The following FFAR4 variants were observed in gnomAD, a reference collection of about 807,000 sequenced individuals.
FFAR4 encodes free fatty acid receptor 4, also known as G-protein coupled receptor 120.
A neutral mutation model predicts 27.0 loss-of-function variants in FFAR4; 19 were observed. The ratio of observed to expected loss-of-function variants is 0.70; its 90% CI spans 0.49 to 1.03. The LOEUF is 1.03. FFAR4 is among the 50% of genes least tolerant of loss of function. The pLI is 0.00. For missense variants in FFAR4, 476 were observed against 479.0 expected, an observed-to-expected ratio of 0.99 and a Z score of 0.06; for synonymous variants, 254 against 215.6, an observed-to-expected ratio of 1.18 and a Z score of -1.56.
chr10:93,576,730 ACAT>A (rs2058166283), intron 2 of FFAR4, among the ~76,000 whole-genome samples: 1 of 152,204 alleles, frequency 6.6e-6, no homozygotes, highest in African/African-American at 2.4e-5. Context: ...ACATCTTTCC[ACAT>A]CATTCCTATA....
intron 1 of FFAR4, among the ~76,000 whole-genome samples, chr10:93,574,416 A>T (rs1417176766): frequency 6.6e-6 from 1 of 152,192 alleles, no homozygotes; most frequent in African/African-American, 2.4e-5. Context: ...AGTCACATTC[A>T]GGGCTGGAAT....
Position 93,587,318 on chromosome 10 carries a change from C to T in FFAR4, c.795C>T (p.Thr265=). The T allele has an allele frequency of 6.2e-7, 1 of 1,614,160 alleles. No individual in the cohort carries two copies. The highest frequency in any genetic ancestry group is 8.5e-7 in the Non-Finnish European group (1 of 1,180,024). ...VSQQDFRLFR[T]LFLLMVSFFI... The stretch of plus-strand genomic sequence containing the variant: ...AGCAGGACTTCCGGCTCTTCCGCAC[C>T]CTCTTCCTCCTCATGGTCTCCTTCT... The change falls in exon 3 of 3, where the codon ACC becomes ACT. Residue 265 remains threonine, a synonymous_variant. Transcript: ENST00000371481.
At chr10:93,573,084 T>A (rs1446540506) in intron 1 of FFAR4, among the ~76,000 whole-genome samples, 1 of 152,138 alleles carries the variant, frequency 6.6e-6, no homozygotes, top group Non-Finnish European at 1.5e-5. Context: ...GGCTCTACCC[T>A]CTCTGGTCCT....
At chr10:93,576,255 C>G (rs748912555) in intron 2 of FFAR4, 36 bp downstream of exon 2, 1 of 1,611,628 alleles carries the variant, frequency 6.2e-7, no homozygotes, top group East Asian at 2.2e-5. Flanking sequence ...TGAACTTCAC[C>G]CAGGCTTGGG....
intron 1 of FFAR4, among the ~76,000 whole-genome samples, chr10:93,568,104 T>A (rs1288425444): frequency 1.3e-5 from 2 of 152,302 alleles, no homozygotes; most frequent in Non-Finnish European, 2.9e-5. Flanking sequence ...ACATTGGCTC[T>A]GTTCCCCTCA....
chr10:93,574,559 T>C (rs944862570), intron 1 of FFAR4, among the ~76,000 whole-genome samples: 1 of 152,146 alleles, frequency 6.6e-6, no homozygotes, highest in African/African-American at 2.4e-5. Flanking sequence ...AGAGCAGTAG[T>C]AGCCTCACTG....
intron 2 of FFAR4, among the ~76,000 whole-genome samples, chr10:93,578,427 A>AAAAAAAAAAG (rs2058178069): frequency 3.3e-5 from 5 of 151,034 alleles, no homozygotes; most frequent in African/African-American, 1.2e-4. Context: ...AAAAAAAAAA[A>AAAAAAAAAAG]AAAAAAAAAA....
At chr10:93,579,296 G>A in intron 2 of FFAR4, 1 of 1,141,238 alleles carries the variant, frequency 8.8e-7, no homozygotes, top group Non-Finnish European at 1.3e-6. Flanking sequence ...TGTGTGGTCT[G>A]GCCCCGCTGC....
At chr10:93,579,881 T>C (rs2058188342) in intron 2 of FFAR4, among the ~76,000 whole-genome samples, 1 of 152,240 alleles carries the variant, frequency 6.6e-6, no homozygotes, top group Admixed American at 6.5e-5. Context: ...AACCTCAGTT[T>C]CGCAGGAGCC....
intron 1 of FFAR4, among the ~76,000 whole-genome samples, chr10:93,574,663 C>T (rs138913274): frequency 1.8e-4 from 28 of 151,752 alleles, no homozygotes; most frequent in East Asian, 5.8e-4. Flanking sequence ...CCAAGGCGGG[C>T]GGATCACAAG....
chr10:93,567,234 C>A lies in FFAR4; in HGVS notation c.514C>A (p.Pro172Thr). The A allele has an allele frequency of 6.2e-7, 1 of 1,601,432 alleles. No individual in the cohort carries two copies. Residue 172 changes from proline to threonine, a missense_variant, in exon 1 of 3, where the codon CCT (proline) becomes ACT (threonine). Coordinates refer to ENST00000371481, the MANE Select transcript of FFAR4 (RefSeq NM_001195755.2). ...IWGYSAVAALPLCVFFRVVPQ... is the reference protein window; with the variant it reads ...IWGYSAVAALTLCVFFRVVPQ... ...GGGCTATTCGGCGGTCGCCGCTCTG[C>A]CTCTCTGCGTCTTCTTCCGAGTCGT...
In FFAR4 at chr10:93,566,826, C is replaced by A. The variant is rs1270899968; in HGVS notation, c.106C>A (p.Arg36=). 6.2e-7 allele frequency: 1 copy of A among 1,603,096 alleles called. No individual in the cohort carries two copies. The highest frequency in any genetic ancestry group is 8.5e-7 in the Non-Finnish European group (1 of 1,176,420). ...PFFSDVKGDH[R]LVLAAVETTV... is the part of the protein sequence containing the mutation. Reference sequence around the variant, plus strand: ...CTTCTCCGACGTCAAGGGCGACCACCGGCTGGTGCTGGCCGCGGTGGAGAC... The same window carrying A: ...CTTCTCCGACGTCAAGGGCGACCACAGGCTGGTGCTGGCCGCGGTGGAGAC... The change falls in exon 1 of 3, where the codon CGG becomes AGG. Residue 36 remains arginine (R), a synonymous_variant. Coordinates refer to ENST00000371481, the MANE Select transcript of FFAR4 (RefSeq NM_001195755.2).
At chr10:93,584,994 C>T (rs1009844573) in intron 2 of FFAR4, among the ~76,000 whole-genome samples, 1 of 152,214 alleles carries the variant, frequency 6.6e-6, no homozygotes, top group African/African-American at 2.4e-5. Flanking sequence ...AGGCATGAGC[C>T]ACTGCGCCCA....
chr10:93,575,985 C>T, intron 1 of FFAR4, 106 bp from the exon 2 acceptor site: 8 of 1,093,162 alleles, frequency 7.3e-6, no homozygotes, highest in Non-Finnish European at 1.1e-5. Flanking sequence ...AGTTGTGTAA[C>T]TGGGCAATGC....
intron 1 of FFAR4, among the ~76,000 whole-genome samples, chr10:93,570,950 C>T (rs1284756690): frequency 2.6e-5 from 4 of 152,166 alleles, no homozygotes; most frequent in Admixed American, 6.5e-5. Flanking sequence ...CCAACCTTAC[C>T]GGATCATCAT....
Position 93,567,022 on chromosome 10 carries a change from C to T in FFAR4, c.302C>T (p.Thr101Ile). 1.9e-6 allele frequency: 3 copies of T among 1,611,850 alleles called. No individual in the cohort carries two copies. Among genetic ancestry groups the T allele is most frequent in the East Asian group, 4.5e-5 (2 of 44,860 alleles). The change falls in exon 1 of 3, where the codon ACT becomes ATT. Residue 101 changes from threonine (T) to isoleucine (I), a missense_variant. Thr to Ile is a moderately conservative substitution (Grantham distance 89). Coordinates refer to ENST00000371481, the MANE Select transcript of FFAR4 (RefSeq NM_001195755.2). ...CCTCTGGTGCTGGCCGTGCGCTGGA[C>T]TGAGGCCTGGCTGCTGGGCCCCGTT... ...AIPLVLAVRW[T>I]EAWLLGPVAC...
intron 1 of FFAR4, among the ~76,000 whole-genome samples, chr10:93,568,157 G>A (rs1028719660): frequency 8.5e-5 from 13 of 152,098 alleles, no homozygotes; most frequent in Admixed American, 7.9e-4. Context: ...TTTTTCTCTT[G>A]CCGCTTTGCC....
chr10:93,585,454 C>T (rs1302636561), intron 2 of FFAR4, among the ~76,000 whole-genome samples: 3 of 152,210 alleles, frequency 2.0e-5, no homozygotes, highest in African/African-American at 7.2e-5. Flanking sequence ...GGCAGGGGCA[C>T]CTTTAATGAC....
intron 2 of FFAR4, among the ~76,000 whole-genome samples, chr10:93,579,886 GGA>G (rs2058188401): frequency 6.6e-6 from 1 of 152,206 alleles, no homozygotes; most frequent in African/African-American, 2.4e-5. Flanking sequence ...CAGTTTCGCA[GGA>G]GCCAAATATG....
Sources: gnomAD v4.1 joint callset for allele counts (sites outside exome capture counted in the v4.1 genomes callset) on GRCh38, gnomAD v4.1.1 for gene constraint, MANE v1.5 for transcripts, NCBI Gene and HGNC (gene_info 2026-07-23, HGNC 2026-07-21) for gene names.